Variants in SH3BGRL observed in about 807,000 individuals in gnomAD.
SH3BGRL encodes SH3 domain binding glutamate rich protein like.
In SH3BGRL, 7 loss-of-function variants were observed where a neutral mutation model predicts 9.8. The observed-to-expected ratio is 0.72, with a 90% CI of 0.41 to 1.35. The LOEUF (loss-of-function observed/expected upper bound fraction) is 1.35. Among genes scored for constraint, SH3BGRL ranks in the 40% most tolerant of loss-of-function variants. The pLI, the probability that SH3BGRL is intolerant of heterozygous loss-of-function variation, is 0.01. For synonymous variants in SH3BGRL, 36 were observed against 29.1 expected, an observed-to-expected ratio of 1.24 and a Z score of -0.76; for missense variants, 73 against 84.4, an observed-to-expected ratio of 0.86 and a Z score of 0.53.
chrX:81,272,531 C>T (rs1235318865), intron 1 of SH3BGRL, among the ~76,000 whole-genome samples: 1 of 98,427 alleles, frequency 1.0e-5, no homozygotes, highest in Non-Finnish European at 2.0e-5. Flanking sequence ...GACAGAGTCT[C>T]GTTCTGCCGC....
intron 1 of SH3BGRL, among the ~76,000 whole-genome samples, chrX:81,263,461 A>G (rs1358235020): frequency 8.9e-6 from 1 of 112,008 alleles, no homozygotes; most frequent in Non-Finnish European, 1.9e-5. Flanking sequence ...TGTACGTTTG[A>G]TAAGACAAGA....
At chrX:81,202,447 T>C (rs1310024478) in intron 1 of SH3BGRL, 1 of 1,005,259 alleles carries the variant, frequency 9.9e-7, no homozygotes, top group Admixed American at 5.2e-5. Context: ...AGTTCAGCTT[T>C]GTTTGCTTCG....
chrX:81,217,682 T>C (rs763305336), intron 1 of SH3BGRL, among the ~76,000 whole-genome samples: 3 of 111,616 alleles, frequency 2.7e-5, no homozygotes, highest in African/African-American at 9.7e-5. Context: ...ATATGATCTA[T>C]CTTGGAGAAT....
intron 1 of SH3BGRL, among the ~76,000 whole-genome samples, chrX:81,203,273 C>T (rs759846624): frequency 9.0e-6 from 1 of 111,438 alleles, no homozygotes; most frequent in Admixed American, 9.5e-5. Flanking sequence ...AGCAGCTAAT[C>T]CAGGTTGTTG....
At chrX:81,243,204 G>C (rs1357976852) in intron 1 of SH3BGRL, among the ~76,000 whole-genome samples, 2 of 112,281 alleles carry the variant, frequency 1.8e-5, no homozygotes, top group Non-Finnish European at 3.8e-5. Context: ...GGACTATTCA[G>C]TCATAAAAAT....
At chrX:81,247,949 G>GTT (rs199748209) in intron 1 of SH3BGRL, among the ~76,000 whole-genome samples, 2 of 103,186 alleles carry the variant, frequency 1.9e-5, no homozygotes, top group East Asian at 3.1e-4. Flanking sequence ...TTGGTTGGAA[G>GTT]TTTTTTTTTT....
chrX:81,224,577 C>T lies in SH3BGRL; in HGVS notation c.45+22332C>T, dbSNP rs1460669604. Among the ~76,000 whole-genome samples, 6 of 111,109 alleles carry T rather than the reference C, an allele frequency of 5.4e-5. No homozygotes were observed. In the Admixed American group the frequency reaches 5.7e-4, roughly 11 times the overall value. The stretch of plus-strand genomic sequence containing the variant: ...GCTGAGGCACAAGTTACGTGCTTAA[C>T]CCAAAACCATATAATTGGAGGCAAT... On this transcript the variant is annotated intron_variant, in intron 1 of 3. Coordinates refer to ENST00000373212, the MANE Select transcript of SH3BGRL (RefSeq NM_003022.3).
chrX:81,282,580 T>C (rs935079872), intron 3 of SH3BGRL, among the ~76,000 whole-genome samples: 3 of 112,008 alleles, frequency 2.7e-5, no homozygotes, highest in South Asian at 3.7e-4. Flanking sequence ...TGAATGAGCA[T>C]TGGGTTAAAA....
At chrX:81,249,779 A>G in intron 1 of SH3BGRL, among the ~76,000 whole-genome samples, 1 of 112,092 alleles carries the variant, frequency 8.9e-6, no homozygotes, top group East Asian at 2.8e-4. Flanking sequence ...GAAAGAAACC[A>G]GAAAGTAACT....
At chrX:81,209,208 A>C (rs765821034) in intron 1 of SH3BGRL, among the ~76,000 whole-genome samples, 4 of 109,218 alleles carry the variant, frequency 3.7e-5, no homozygotes, top group African/African-American at 1.3e-4. Flanking sequence ...GGTTTTCACC[A>C]CGTTGCCCAG....
intron 1 of SH3BGRL, among the ~76,000 whole-genome samples, chrX:81,249,521 G>A (rs1013408358): frequency 1.8e-5 from 2 of 112,237 alleles, no homozygotes; most frequent in Admixed American, 1.9e-4. Context: ...CATGAACCCT[G>A]TTAACCATCC....
intron 1 of SH3BGRL, among the ~76,000 whole-genome samples, chrX:81,212,983 T>C (rs1470231798): frequency 8.9e-6 from 1 of 112,500 alleles, no homozygotes; most frequent in Non-Finnish European, 1.9e-5. Context: ...CATAATGTGG[T>C]TGAGTAGGAA....
intron 1 of SH3BGRL, among the ~76,000 whole-genome samples, chrX:81,223,252 G>A (rs889445680): frequency 8.1e-5 from 9 of 111,620 alleles, no homozygotes; most frequent in African/African-American, 2.9e-4. Flanking sequence ...CCTTGCCCAT[G>A]CCTATGTCCT....
Position 81,216,106 on chromosome X carries a change from T to A in SH3BGRL, c.45+13861T>A, listed in dbSNP as rs536673218. ...TGTAAACAATTATGTCTTATAAAAA[T>A]CTGAATTGTATTCATTCCTTTATTT... On this transcript the variant is annotated intron_variant, in intron 1 of 3. Transcript: ENST00000373212. Among the ~76,000 whole-genome samples, 28 of 111,831 alleles carry A rather than the reference T, an allele frequency of 2.5e-4. No homozygotes were observed. The South Asian group carries it at 0.01, about 42-fold the overall frequency.
chrX:81,223,177 A>C (rs1337119698), intron 1 of SH3BGRL, among the ~76,000 whole-genome samples: 1 of 111,018 alleles, frequency 9.0e-6, no homozygotes, highest in East Asian at 2.8e-4. Flanking sequence ...TCTTTAGTTT[A>C]ATTAGATCCC....
intron 3 of SH3BGRL, among the ~76,000 whole-genome samples, chrX:81,290,916 G>A (rs1187888623): frequency 9.0e-6 from 1 of 110,886 alleles, no homozygotes; most frequent in Admixed American, 9.6e-5. Context: ...AGCAATGTTA[G>A]GTCCTTAGAG....
At chrX:81,214,169 A>C (rs1349527268) in intron 1 of SH3BGRL, among the ~76,000 whole-genome samples, 1 of 112,051 alleles carries the variant, frequency 8.9e-6, no homozygotes, top group Non-Finnish European at 1.9e-5. Flanking sequence ...GAACATTGTT[A>C]GTTCCATACA....
chrX:81,242,941 A>G (rs1336774613), intron 1 of SH3BGRL, among the ~76,000 whole-genome samples: 1 of 112,118 alleles, frequency 8.9e-6, no homozygotes, highest in East Asian at 2.8e-4. Flanking sequence ...GTTGGTGGGA[A>G]TGTACATTAG....
At chrX:81,291,333 C>CA (rs2075857492) in intron 3 of SH3BGRL, among the ~76,000 whole-genome samples, 1 of 109,921 alleles carries the variant, frequency 9.1e-6, no homozygotes, top group Non-Finnish European at 1.9e-5. Context: ...TGGTGGAAGG[C>CA]AAAGGGGAAG....
Sources: gnomAD v4.1 joint callset for allele counts (sites outside exome capture counted in the v4.1 genomes callset) on GRCh38, gnomAD v4.1.1 for gene constraint, MANE v1.5 for transcripts, NCBI Gene and HGNC (gene_info 2026-07-23, HGNC 2026-07-21) for gene names.